The following CFAP74 variants were observed in gnomAD, a reference collection of about 807,000 sequenced individuals.
CFAP74 encodes cilia and flagella associated protein 74, also known as cilia- and flagella-associated protein 74.
A neutral mutation model predicts 188.9 loss-of-function variants in CFAP74; 124 were observed. That is an observed-to-expected ratio of 0.66 (90% CI 0.57 to 0.76). The LOEUF (loss-of-function observed/expected upper bound fraction) is 0.76, where lower values mean the gene tolerates loss of function less well. CFAP74 is among the 30% of genes least tolerant of loss of function. The pLI is 0.00. For missense variants in CFAP74, 2,198 were observed against 2,165.2 expected (o/e 1.02, Z -0.30); for synonymous variants, 956 against 916.7 (o/e 1.04, Z -0.77).
intron 1 of CFAP74, among the ~76,000 whole-genome samples, chr1:1,992,471 A>G (rs1657639801): frequency 6.6e-6 from 1 of 150,444 alleles, no homozygotes. Flanking sequence ...TCTGGCACCA[A>G]AAACAATTTT....
At chr1:1,980,017 G>A (rs1656729291) in intron 6 of CFAP74, among the ~76,000 whole-genome samples, 1 of 151,934 alleles carries the variant, frequency 6.6e-6, no homozygotes, top group African/African-American at 2.4e-5. Flanking sequence ...ATTCATGGGA[G>A]AGGCCCAAAG....
chr1:1,957,490 G>A (rs1352801831), intron 16 of CFAP74, among the ~76,000 whole-genome samples: 2 of 152,198 alleles, frequency 1.3e-5, no homozygotes, highest in Admixed American at 1.3e-4. Flanking sequence ...TTGTTCAGAT[G>A]GGGTTTTACT....
intron 14 of CFAP74, among the ~76,000 whole-genome samples, chr1:1,961,138 A>G (rs1051768890): frequency 1.3e-5 from 2 of 152,194 alleles, no homozygotes; most frequent in East Asian, 3.8e-4. Context: ...GCACCACCCA[A>G]TGCGAAAAAG....
intron 17 of CFAP74, among the ~76,000 whole-genome samples, 185 bp downstream of exon 17, chr1:1,956,435 C>T (rs972006370): frequency 3.3e-5 from 5 of 152,184 alleles, no homozygotes; most frequent in African/African-American, 1.2e-4. Context: ...GGCCAGGTGA[C>T]TGCAGGTGTC....
In CFAP74 at chr1:1,968,895, G is replaced by A. The variant is rs1036460452; in HGVS notation, c.1047-62C>T. The A allele has an allele frequency of 3.9e-6, 6 of 1,531,396 alleles. No individual in the cohort carries two copies. Among genetic ancestry groups the A allele is most frequent in the Non-Finnish European group, 5.4e-6 (6 of 1,115,632 alleles). The allele number at this position is 1,531,396 out of a possible 1,614,324, so 94.9% of individuals were successfully genotyped here. A position where few individuals can be genotyped will look rare whatever the true frequency, so the allele number is the denominator to read the frequency against. Reference sequence around the variant, plus strand: ...CCCCTGCCTCCACCTTGCCCCAGATGAGACAGTGCCCGGCGGCCCCTCCCT... The same window carrying A: ...CCCCTGCCTCCACCTTGCCCCAGATAAGACAGTGCCCGGCGGCCCCTCCCT... On this transcript the variant is annotated intron_variant, in intron 10 of 38. Coordinates refer to ENST00000682832, the MANE Select transcript of CFAP74 (RefSeq NM_001304360.2). This position sits in a 1 kb window ranked among gnomAD's most constrained non-coding sequence, Gnocchi z 4.3.
intron 25 of CFAP74, among the ~76,000 whole-genome samples, chr1:1,931,347 G>A (rs1182673024): frequency 1.3e-5 from 2 of 150,054 alleles, no homozygotes; most frequent in South Asian, 2.1e-4. Flanking sequence ...GGAGAATGGC[G>A]TGAATCCTGG....
At chr1:1,959,036 C>A in intron 16 of CFAP74, 84 bp downstream of exon 16, 3 of 930,250 alleles carry the variant, frequency 3.2e-6, no homozygotes, top group Non-Finnish European at 5.1e-6. Flanking sequence ...CAACCTGCAC[C>A]CCCTCCCAGG....
chr1:1,972,796 C>T lies in CFAP74; in HGVS notation c.785+141G>A, dbSNP rs1200111693. On this transcript the variant is annotated intron_variant, in intron 8 of 38. Coordinates refer to ENST00000682832, the MANE Select transcript of CFAP74 (RefSeq NM_001304360.2). ...GGGAGGCGGAGCAGTGAGCCGAGAT[C>T]GCGCCACGGCACCCCAGCCTGGGCG... 32 of 677,284 alleles carry T rather than the reference C, an allele frequency of 4.7e-5. 1 individual carries two copies. Among genetic ancestry groups the T allele is most frequent in the East Asian group, 4.4e-4 (16 of 35,992 alleles). 42.0% of individuals were successfully genotyped at this position (677,284 alleles called of 1,614,324 possible).
intron 18 of CFAP74, chr1:1,954,962 C>T (rs968731191): frequency 6.7e-6 from 8 of 1,200,150 alleles, no homozygotes; most frequent in African/African-American, 3.2e-5. Flanking sequence ...GGCAGAAGGA[C>T]GGATCTAGAA....
rs1385808253 is a variant in CFAP74, at chr1:1,968,880, C to T, written c.1047-47G>A. 2 of 1,587,178 alleles carry T rather than the reference C, an allele frequency of 1.3e-6. No individual in the cohort carries two copies. The highest frequency in any genetic ancestry group is 3.4e-5 in the Admixed American group (2 of 59,600). ...ATGAGTGCAAGAGGTCCCCTGCCTC[C>T]ACCTTGCCCCAGATGAGACAGTGCC... On this transcript the variant is annotated intron_variant, in intron 10 of 38. Transcript: ENST00000682832. The surrounding 1 kb of genome is among the most constrained non-coding windows in gnomAD (Gnocchi z 4.3).
chr1:1,925,682 C>G, intron 33 of CFAP74, 101 bp downstream of exon 33: 2 of 1,362,392 alleles, frequency 1.5e-6, no homozygotes, highest in Non-Finnish European at 2.0e-6. Flanking sequence ...CCCACGGGCT[C>G]TCCGACCCAC....
chr1:1,938,589 C>T (rs1308604218), intron 25 of CFAP74, among the ~76,000 whole-genome samples: 1 of 152,128 alleles, frequency 6.6e-6, no homozygotes, highest in Non-Finnish European at 1.5e-5. Context: ...CTCGCCTGTC[C>T]TCACACACAT....
In CFAP74 at chr1:1,991,760, C is replaced by T. The variant is rs543655424; in HGVS notation, c.-19-785G>A. 1.8e-4 allele frequency among the ~76,000 whole-genome samples: 28 copies of T among 152,228 alleles called. No individual in the cohort carries two copies. In the East Asian group the frequency reaches 3.5e-3, roughly 19 times the overall value. On this transcript the variant is annotated intron_variant, in intron 1 of 38. Coordinates refer to ENST00000682832, the MANE Select transcript of CFAP74 (RefSeq NM_001304360.2). ...TACTGAGTAGAATGCCTGAGATTGG[C>T]TGGGCGTGGTGGCTCACACCTGTAA...
chr1:1,976,526 A>G (rs1656454681), intron 6 of CFAP74, among the ~76,000 whole-genome samples: 1 of 151,900 alleles, frequency 6.6e-6, no homozygotes, highest in Non-Finnish European at 1.5e-5. Context: ...AACCCTGACC[A>G]ATCAAACCTC....
At chr1:1,978,627 C>T (rs796706760) in intron 6 of CFAP74, among the ~76,000 whole-genome samples, 3 of 152,110 alleles carry the variant, frequency 2.0e-5, no homozygotes, top group East Asian at 3.9e-4. Flanking sequence ...CTGGAAAAGG[C>T]GAGGACATGG....
chr1:1,971,657 C>G (rs978385174), intron 9 of CFAP74, among the ~76,000 whole-genome samples: 1 of 152,254 alleles, frequency 6.6e-6, no homozygotes, highest in African/African-American at 2.4e-5. Context: ...GAATCCCCAG[C>G]CTTGGCCCCA....
intron 28 of CFAP74, 83 bp from the exon 29 acceptor site, chr1:1,927,111 GGGTCCCAGGGTCCCA>G: frequency 7.1e-7 from 1 of 1,404,202 alleles, no homozygotes; most frequent in African/African-American, 1.4e-5. Flanking sequence ...CTCTGCCTCA[GGGTCCCAGGGTCCCA>G]GGGTCCCAAG....
chr1:1,970,880 C>G, intron 9 of CFAP74, 64 bp from the exon 10 acceptor site: 1 of 1,580,082 alleles, frequency 6.3e-7, no homozygotes, highest in Non-Finnish European at 8.7e-7. Context: ...CACGCTCACA[C>G]CTGCACATGT....
rs1017222421 is a variant in CFAP74, at chr1:1,930,256, G to A, written c.3092C>T (p.Thr1031Met). 33 of 1,535,534 alleles carry A rather than the reference G, an allele frequency of 2.1e-5. No homozygotes were observed. Among genetic ancestry groups the A allele is most frequent in the Non-Finnish European group, 2.6e-5 (30 of 1,146,670 alleles). ...AGCCACGGAGGTGTCGTATAGGGCC[G>A]TGGCGGCAAACTTGATCTGGTAGTG... ...LSHYQIKFAATALYDTSVATV... is the reference protein window; with the variant it reads ...LSHYQIKFAAMALYDTSVATV... Residue 1031 changes from threonine to methionine, a missense_variant, in exon 26 of 39, where the codon ACG becomes ATG. Physicochemically the swap from Thr to Met is moderately conservative, Grantham distance 81 (BLOSUM62 -1). Coordinates refer to ENST00000682832, the MANE Select transcript of CFAP74 (RefSeq NM_001304360.2).
Sources: gnomAD v4.1 joint callset for allele counts (sites outside exome capture counted in the v4.1 genomes callset) on GRCh38, gnomAD v4.1.1 for gene constraint, Gnocchi (gnomAD v3.1) non-coding constraint, MANE v1.5 for transcripts, NCBI Gene and HGNC (gene_info 2026-07-23, HGNC 2026-07-21) for gene names.